Variants in DCLK1 observed in about 807,000 individuals in gnomAD.
DCLK1 encodes the protein serine/threonine-protein kinase DCLK1.
A neutral mutation model predicts 86.2 loss-of-function variants in DCLK1; 16 were observed. The observed-to-expected ratio is 0.19, with a 90% confidence interval of 0.13 to 0.28. DCLK1 has a LOEUF of 0.28. Ranked by LOEUF, DCLK1 falls within the 10% of genes least tolerant of loss-of-function variation. DCLK1 has a pLI of 1.00. For missense variants in DCLK1, 590 were observed against 940.2 expected (o/e 0.63, Z 4.87); for synonymous variants, 369 against 370.5 (o/e 1.00, Z 0.05).
chr13:35,863,520 G>A (rs1005271009), intron 5 of DCLK1, among the ~76,000 whole-genome samples: 7 of 152,212 alleles, frequency 4.6e-5, no homozygotes, highest in African/African-American at 1.4e-4. Context: ...GGAAGAATTG[G>A]TGGGTGCAGA....
chr13:35,916,129 C>A (rs1016741372), intron 4 of DCLK1, among the ~76,000 whole-genome samples: 11 of 152,144 alleles, frequency 7.2e-5, no homozygotes, highest in African/African-American at 2.4e-4. Flanking sequence ...TAGGCTTACA[C>A]TAGATTTCCA....
chr13:35,920,214 C>A (rs1360331811), intron 4 of DCLK1, among the ~76,000 whole-genome samples: 1 of 152,212 alleles, frequency 6.6e-6, no homozygotes, highest in African/African-American at 2.4e-5. Context: ...TTCCATGAGA[C>A]TTTCCAGCCT....
chr13:36,114,744 T>C (rs1566018283), intron 2 of DCLK1, among the ~76,000 whole-genome samples: 1 of 152,244 alleles, frequency 6.6e-6, no homozygotes, highest in Non-Finnish European at 1.5e-5. Flanking sequence ...TTAAAGTTGG[T>C]TGTATTTTCT....
In DCLK1 at chr13:36,112,191, A is replaced by G. The variant is rs1235436201; in HGVS notation, c.401T>C (p.Ile134Thr). The change falls in exon 3 of 17, where the codon ATA (isoleucine) becomes ACA (threonine). Residue 134 changes from isoleucine (I) to threonine (T), a missense_variant. Physicochemically the swap from Ile to Thr is moderately conservative, Grantham distance 89 (BLOSUM62 -1). Coordinates refer to ENST00000360631, the MANE Select transcript of DCLK1 (RefSeq NM_001330071.2). ...GTACTCCAGTTTCTTGAAGGGCTCTATGGAGCCACATACATAACTCTCTCC... is the reference window on the plus strand; with the variant it reads ...GTACTCCAGTTTCTTGAAGGGCTCTGTGGAGCCACATACATAACTCTCTCC... ...VEGESYVCGSIEPFKKLEYTK... is the reference protein window; with the variant it reads ...VEGESYVCGSTEPFKKLEYTK... 6.3e-7 allele frequency: 1 copy of G among 1,594,860 alleles called. No homozygotes were observed. Among genetic ancestry groups the G allele is most frequent in the Admixed American group, 1.7e-5 (1 of 59,434 alleles).
chr13:35,910,510 T>C (rs1317430526), intron 4 of DCLK1, among the ~76,000 whole-genome samples: 2 of 152,234 alleles, frequency 1.3e-5, no homozygotes, highest in Non-Finnish European at 2.9e-5. Context: ...TTTTTTCCTT[T>C]TCCTTCCTAT....
chr13:36,013,203 C>T (rs1464984247), intron 3 of DCLK1, among the ~76,000 whole-genome samples: 101 of 150,828 alleles, frequency 6.7e-4, no homozygotes, highest in South Asian at 4.4e-3. Context: ...GTAATTTGAT[C>T]GTCTGAAGCC....
chr13:35,948,643 C>T (rs770007030), intron 3 of DCLK1, among the ~76,000 whole-genome samples: 3 of 152,186 alleles, frequency 2.0e-5, no homozygotes, highest in Admixed American at 6.5e-5. Flanking sequence ...TTTAGACTGT[C>T]TTTCCAAATA....
chr13:36,031,650 A>G (rs1882276784), intron 3 of DCLK1, among the ~76,000 whole-genome samples: 1 of 152,178 alleles, frequency 6.6e-6, no homozygotes, highest in African/African-American at 2.4e-5. Flanking sequence ...ATGAATTTTG[A>G]CATCCTCAGT....
chr13:35,860,851 T>A (rs1593671285), intron 5 of DCLK1, among the ~76,000 whole-genome samples: 1 of 151,992 alleles, frequency 6.6e-6, no homozygotes, highest in Admixed American at 6.6e-5. Flanking sequence ...GTGGCAGAGG[T>A]CTGCAGGGCC....
chr13:35,847,880 C>T, intron 6 of DCLK1: 1 of 985,268 alleles, frequency 1.0e-6, no homozygotes, highest in Non-Finnish European at 1.2e-6. Context: ...CAGAAACTGT[C>T]TAGATTTTTC....
chr13:35,940,324 T>A (rs1182511325), intron 4 of DCLK1, among the ~76,000 whole-genome samples: 2 of 148,788 alleles, frequency 1.3e-5, no homozygotes, highest in South Asian at 2.1e-4. Context: ...GTATGAAGGG[T>A]CACATCTGAC....
At chr13:35,840,453 T>A (rs1228599993) in intron 6 of DCLK1, among the ~76,000 whole-genome samples, 1 of 152,168 alleles carries the variant, frequency 6.6e-6, no homozygotes, top group Non-Finnish European at 1.5e-5. Flanking sequence ...ATTGGTCAGG[T>A]TCATCAAAGC....
intron 3 of DCLK1, among the ~76,000 whole-genome samples, chr13:36,022,203 A>T (rs1881813926): frequency 6.6e-6 from 1 of 152,148 alleles, no homozygotes; most frequent in Admixed American, 6.5e-5. Flanking sequence ...CCACAATGGA[A>T]ATTACAAAAT....
intron 3 of DCLK1, among the ~76,000 whole-genome samples, chr13:36,061,785 C>T (rs1005134784): frequency 6.6e-6 from 1 of 152,114 alleles, no homozygotes; most frequent in African/African-American, 2.4e-5. Flanking sequence ...CCAAAACAAC[C>T]AAACATTTAA....
At chr13:35,938,697 G>A (rs1438206362) in intron 4 of DCLK1, among the ~76,000 whole-genome samples, 2 of 151,924 alleles carry the variant, frequency 1.3e-5, no homozygotes, top group Non-Finnish European at 2.9e-5. Context: ...CATCAACAAA[G>A]GGTTCCAGTT....
At chr13:35,903,019 A>G (rs1435898131) in intron 4 of DCLK1, among the ~76,000 whole-genome samples, 2 of 152,250 alleles carry the variant, frequency 1.3e-5, no homozygotes, top group South Asian at 2.1e-4. Context: ...GTTTCATTTC[A>G]GTGGGAAGAA....
intron 3 of DCLK1, among the ~76,000 whole-genome samples, chr13:35,953,842 G>C (rs776168803): frequency 6.6e-6 from 1 of 152,134 alleles, no homozygotes; most frequent in Non-Finnish European, 1.5e-5. Flanking sequence ...TTACAAGAGC[G>C]CCCTCTTCAA....
chr13:35,862,195 A>G (rs1871450829), intron 5 of DCLK1, among the ~76,000 whole-genome samples: 1 of 152,164 alleles, frequency 6.6e-6, no homozygotes, highest in Admixed American at 6.6e-5. Flanking sequence ...ATATATTGTT[A>G]GCGCAGATCT....
At chr13:36,083,340 C>G (rs990686889) in intron 3 of DCLK1, among the ~76,000 whole-genome samples, 6 of 152,302 alleles carry the variant, frequency 3.9e-5, no homozygotes, top group African/African-American at 7.2e-5. Flanking sequence ...TACGTGTTCA[C>G]GTCTCTGAAA....
Sources: gnomAD v4.1 joint callset for allele counts (sites outside exome capture counted in the v4.1 genomes callset) on GRCh38, gnomAD v4.1.1 for gene constraint, MANE v1.5 for transcripts, NCBI Gene and HGNC (gene_info 2026-07-23, HGNC 2026-07-21) for gene names.